Variants in STX2 observed in about 807,000 individuals in gnomAD.
STX2 encodes the protein syntaxin 2, also known as syntaxin-2.
Under a neutral mutation model 40.6 loss-of-function variants are expected in STX2, and 27 were observed. The observed-to-expected ratio is 0.66, with a 90% CI of 0.49 to 0.92. STX2 has a LOEUF of 0.92. STX2 is among the 40% of genes least tolerant of loss of function. The probability of loss-of-function intolerance (pLI) is 0.00; values close to 1 mark genes in which losing one functional copy is unlikely to be tolerated. For synonymous variants in STX2, 123 were observed against 119.1 expected (o/e 1.03, Z -0.22); for missense variants, 328 against 366.1 (o/e 0.90, Z 0.85).
chr12:130,807,499 G>A (rs1565912956), intron 5 of STX2, among the ~76,000 whole-genome samples: 1 of 150,394 alleles, frequency 6.6e-6, no homozygotes, highest in African/African-American at 2.5e-5. Flanking sequence ...GTGCCCATGA[G>A]GGGACCCAGG....
chr12:130,823,774 C>A (rs564136269), intron 2 of STX2, among the ~76,000 whole-genome samples: 1 of 152,138 alleles, frequency 6.6e-6, no homozygotes, highest in African/African-American at 2.4e-5. Context: ...AACTGACACA[C>A]GGATCAACAT....
chr12:130,834,100 A>G (rs2001483), intron 1 of STX2, among the ~76,000 whole-genome samples: 75,923 of 152,022 alleles, frequency 0.5, 20,830 homozygotes, highest in East Asian at 0.87. Flanking sequence ...AAAAAGGTGC[A>G]AGGCTACATG....
chr12:130,803,944 T>A (rs896857946), intron 6 of STX2, among the ~76,000 whole-genome samples: 10 of 152,214 alleles, frequency 6.6e-5, no homozygotes, highest in Non-Finnish European at 1.3e-4. Flanking sequence ...TCCCCCTTAC[T>A]GTGAATACTC....
At chr12:130,831,713 A>AT (rs1952566147) in intron 1 of STX2, among the ~76,000 whole-genome samples, 1 of 151,996 alleles carries the variant, frequency 6.6e-6, no homozygotes. Context: ...ACTTTCTCAT[A>AT]TTTTGTATGG....
intron 6 of STX2, among the ~76,000 whole-genome samples, chr12:130,804,418 A>C (rs1464403595): frequency 2.0e-5 from 3 of 152,164 alleles, no homozygotes; most frequent in African/African-American, 7.2e-5. Context: ...ATGAGGTCTG[A>C]AGACGATGCC....
intron 6 of STX2, among the ~76,000 whole-genome samples, chr12:130,804,975 C>T (rs1341750797): frequency 6.6e-6 from 1 of 152,086 alleles, no homozygotes; most frequent in Admixed American, 6.6e-5. Flanking sequence ...GGAGTGAAGA[C>T]AGGATGGACC....
intron 5 of STX2, 123 bp downstream of exon 5, chr12:130,808,508 T>A (rs913464479): frequency 1.1e-6 from 1 of 912,222 alleles, no homozygotes; most frequent in African/African-American, 1.7e-5. Flanking sequence ...ATATTATTTT[T>A]GTGCAGAAAT....
intron 1 of STX2, 146 bp from the exon 2 acceptor site, chr12:130,827,413 ACTCCAACTGAACTC>A (rs1952364518): frequency 1.6e-6 from 1 of 621,804 alleles, no homozygotes. Context: ...ACCACTATCT[ACTCCAACTGAACTC>A]CGCAACATTT....
chr12:130,814,148 T>G (rs994092561), intron 3 of STX2, among the ~76,000 whole-genome samples: 1 of 151,956 alleles, frequency 6.6e-6, no homozygotes, highest in Non-Finnish European at 1.5e-5. Context: ...AGAGACTGAG[T>G]GATCTCCAGA....
At chr12:130,804,376 T>A (rs1178256644) in intron 6 of STX2, among the ~76,000 whole-genome samples, 2 of 152,066 alleles carry the variant, frequency 1.3e-5, no homozygotes, top group African/African-American at 4.8e-5. Flanking sequence ...TGATGACCGA[T>A]GCTCGACTCG....
At chr12:130,793,574 T>C (rs958716907) in intron 10 of STX2, among the ~76,000 whole-genome samples, 5 of 152,336 alleles carry the variant, frequency 3.3e-5, no homozygotes, top group African/African-American at 1.2e-4. Flanking sequence ...ACATGGAGTC[T>C]AGGGTACAGG....
chr12:130,792,593 A>G (rs905558704), intron 10 of STX2, among the ~76,000 whole-genome samples: 3 of 152,124 alleles, frequency 2.0e-5, no homozygotes, highest in Non-Finnish European at 4.4e-5. Flanking sequence ...TGTCCCAAGG[A>G]GCTAGGATGA....
chr12:130,805,729 A>G (rs1009126956), intron 6 of STX2, among the ~76,000 whole-genome samples: 4 of 152,206 alleles, frequency 2.6e-5, no homozygotes, highest in African/African-American at 9.7e-5. Context: ...CATGTGATTT[A>G]ACTACATTCT....
At chr12:130,838,688 G>C (rs1023422789) in intron 1 of STX2, among the ~76,000 whole-genome samples, 7 of 152,202 alleles carry the variant, frequency 4.6e-5, no homozygotes, top group Non-Finnish European at 8.8e-5. Context: ...AGGCCAGTGG[G>C]CTCCGGCTGG....
intron 2 of STX2, among the ~76,000 whole-genome samples, chr12:130,826,412 G>C (rs1952308801): frequency 6.6e-6 from 1 of 152,160 alleles, no homozygotes; most frequent in Non-Finnish European, 1.5e-5. Flanking sequence ...CCTGCAAGGA[G>C]GCGGTGCTCC....
intron 3 of STX2, among the ~76,000 whole-genome samples, chr12:130,815,966 A>T (rs1479913918): frequency 1.3e-5 from 2 of 152,108 alleles, no homozygotes; most frequent in Non-Finnish European, 1.5e-5. Context: ...TGCCTTATAA[A>T]ATGGGGCATT....
chr12:130,819,604 G>C (rs1291695389), intron 3 of STX2, among the ~76,000 whole-genome samples: 1 of 152,112 alleles, frequency 6.6e-6, no homozygotes, highest in African/African-American at 2.4e-5. Context: ...TGACTTGGCA[G>C]CAAAAATGTT....
Position 130,808,611 on chromosome 12 carries a change from A to G in STX2, c.354+20T>C, listed in dbSNP as rs1951529226. 4 of 1,607,814 alleles carry G rather than the reference A, an allele frequency of 2.5e-6. No individual in the cohort carries two copies. The highest frequency in any genetic ancestry group is 3.4e-6 in the Non-Finnish European group (4 of 1,177,440). ...TTATTCTGCGACATTACTTTAATCT[A>G]AACGAGGCTGATAGCAAACCTGGGT... On this transcript the variant is annotated intron_variant, in intron 5 of 10. Coordinates refer to ENST00000392373, the MANE Select transcript of STX2 (RefSeq NM_194356.4).
chr12:130,794,506 C>T (rs191109380), intron 10 of STX2, among the ~76,000 whole-genome samples: 159 of 152,246 alleles, frequency 1.0e-3, no homozygotes, highest in African/African-American at 3.5e-3. Context: ...AGATATCAAT[C>T]TCTTGTTTTG....
Sources: allele counts gnomAD v4.1 joint callset (sites outside exome capture counted in the v4.1 genomes callset), GRCh38; gene constraint gnomAD v4.1.1; transcripts MANE v1.5; gene names NCBI Gene and HGNC (gene_info 2026-07-23, HGNC 2026-07-21).